Variants in ADGRB3 observed in about 807,000 individuals in gnomAD.
ADGRB3 encodes adhesion G protein-coupled receptor B3.
A neutral mutation model predicts 193.4 loss-of-function variants in ADGRB3; 37 were observed. The observed-to-expected ratio is 0.19, with a 90% CI of 0.15 to 0.25. The LOEUF (loss-of-function observed/expected upper bound fraction) is 0.25. Ranked by LOEUF, ADGRB3 falls within the 10% of genes least tolerant of loss-of-function variation. ADGRB3 has a pLI of 1.00. For missense variants in ADGRB3, 1,637 were observed against 1,852.9 expected (o/e 0.88, Z 2.14); for synonymous variants, 690 against 644.2 (o/e 1.07, Z -1.08).
At chr6:69,169,240 A>G (rs984881705) in intron 17 of ADGRB3, among the ~76,000 whole-genome samples, 1 of 152,040 alleles carries the variant, frequency 6.6e-6, no homozygotes, top group Non-Finnish European at 1.5e-5. Flanking sequence ...CAATTTTACA[A>G]CTGACTACTG....
At chr6:69,320,888 A>C (rs1457261437) in intron 20 of ADGRB3, among the ~76,000 whole-genome samples, 4 of 149,724 alleles carry the variant, frequency 2.7e-5, no homozygotes, top group Admixed American at 6.7e-5. Flanking sequence ...GAGAATTTTT[A>C]CAGTGTTTTG....
At chr6:68,963,065 G>A (rs1562102005) in intron 8 of ADGRB3, among the ~76,000 whole-genome samples, 2 of 152,058 alleles carry the variant, frequency 1.3e-5, no homozygotes, top group Non-Finnish European at 2.9e-5. Context: ...CCTCATTCTA[G>A]CAATCCCTGT....
intron 17 of ADGRB3, among the ~76,000 whole-genome samples, chr6:69,204,305 C>T (rs1765491870): frequency 6.6e-6 from 1 of 151,954 alleles, no homozygotes. Flanking sequence ...TTTTTTCCTG[C>T]AACACTAATA....
At chr6:68,750,649 CTTTATT>C (rs373125793) in intron 3 of ADGRB3, among the ~76,000 whole-genome samples, 288 of 152,234 alleles carry the variant, frequency 1.9e-3, no homozygotes, top group Middle Eastern at 6.8e-3. Flanking sequence ...TCCATGTCTG[CTTTATT>C]TTTAATGAGC....
At chr6:69,325,084 A>G (rs2127309136) in intron 21 of ADGRB3, 62 bp downstream of exon 21, 1 of 1,532,790 alleles carries the variant, frequency 6.5e-7, no homozygotes, top group Non-Finnish European at 8.8e-7. Flanking sequence ...CACATTAGAA[A>G]GCAGTCATGA....
rs1353702741 is a variant in ADGRB3, at chr6:69,355,869, A to C, written c.3595+9A>C. On this transcript the variant is annotated intron_variant, in intron 28 of 31. Transcript: ENST00000370598. The stretch of plus-strand genomic sequence containing the variant: ...CATTGCCTGTCGATCAGGTAAGAAT[A>C]TTTAGATTTTGAAATCTAATCAGTA... 6.3e-7 allele frequency: 1 copy of C among 1,597,892 alleles called. No individual in the cohort carries two copies. Among genetic ancestry groups the C allele is most frequent in the Non-Finnish European group, 8.6e-7 (1 of 1,166,942 alleles).
intron 17 of ADGRB3, among the ~76,000 whole-genome samples, chr6:69,153,474 G>A (rs1355796887): frequency 6.6e-6 from 1 of 152,116 alleles, no homozygotes. Context: ...AATAATAAGG[G>A]GTTGACATTT....
intron 29 of ADGRB3, among the ~76,000 whole-genome samples, chr6:69,363,299 T>C (rs1769491605): frequency 6.6e-6 from 1 of 152,046 alleles, no homozygotes; most frequent in South Asian, 2.1e-4. Flanking sequence ...GAAAATTTGG[T>C]TCTTCATTTT....
chr6:68,695,994 C>T (rs1765150486), intron 3 of ADGRB3, among the ~76,000 whole-genome samples: 1 of 151,954 alleles, frequency 6.6e-6, no homozygotes, highest in Non-Finnish European at 1.5e-5. Flanking sequence ...CTGTATTTGG[C>T]TGCGACCCAA....
intron 3 of ADGRB3, among the ~76,000 whole-genome samples, chr6:68,768,237 A>G (rs779329431): frequency 1.6e-4 from 25 of 152,268 alleles, no homozygotes; most frequent in Non-Finnish European, 2.9e-4. Context: ...AGCCAAGACA[A>G]TCCTAGACAA....
At chr6:68,745,039 T>C (rs1562013350) in intron 3 of ADGRB3, among the ~76,000 whole-genome samples, 2 of 152,054 alleles carry the variant, frequency 1.3e-5, no homozygotes, top group Non-Finnish European at 2.9e-5. Flanking sequence ...AGCCTGTGGG[T>C]GAGTGGTTAC....
chr6:69,198,471 G>A (rs1423588778), intron 17 of ADGRB3, among the ~76,000 whole-genome samples: 1 of 152,078 alleles, frequency 6.6e-6, no homozygotes, highest in African/African-American at 2.4e-5. Flanking sequence ...ATGATGAGGT[G>A]ATGTTTTGGA....
intron 3 of ADGRB3, among the ~76,000 whole-genome samples, chr6:68,834,773 T>A (rs936913616): frequency 6.6e-6 from 1 of 152,126 alleles, no homozygotes. Context: ...GATGAGTCAC[T>A]AAAGCAAGAA....
intron 3 of ADGRB3, among the ~76,000 whole-genome samples, chr6:68,686,221 G>C (rs536950372): frequency 1.5e-5 from 2 of 134,000 alleles, no homozygotes; most frequent in Non-Finnish European, 3.4e-5. Flanking sequence ...CTCTGGTGAA[G>C]CTTTCCTGGA....
intron 17 of ADGRB3, among the ~76,000 whole-genome samples, chr6:69,208,967 T>G (rs192819072): frequency 1.3e-3 from 202 of 152,276 alleles, no homozygotes; most frequent in Admixed American, 4.3e-3. Context: ...GGCCAAGAGT[T>G]GTCTCTCAAA....
At chr6:68,882,308 T>G (rs1765754310) in intron 3 of ADGRB3, among the ~76,000 whole-genome samples, 1 of 152,186 alleles carries the variant, frequency 6.6e-6, no homozygotes, top group South Asian at 2.1e-4. Flanking sequence ...TGGTAATGTA[T>G]GTAGTTTGCA....
intron 17 of ADGRB3, among the ~76,000 whole-genome samples, chr6:69,175,904 G>C (rs1385759200): frequency 1.3e-5 from 2 of 152,106 alleles, no homozygotes. Flanking sequence ...TATTGTAAAT[G>C]GGATTGCATT....
chr6:69,263,915 C>T (rs1220726007), intron 20 of ADGRB3, among the ~76,000 whole-genome samples: 1 of 151,910 alleles, frequency 6.6e-6, no homozygotes, highest in Non-Finnish European at 1.5e-5. Context: ...GTTATTTAAC[C>T]CTCAGGTAAA....
intron 3 of ADGRB3, among the ~76,000 whole-genome samples, chr6:68,710,033 G>A (rs1765383925): frequency 6.6e-6 from 1 of 152,070 alleles, no homozygotes; most frequent in African/African-American, 2.4e-5. Context: ...AGCACTTACT[G>A]GGCACTGGAG....
Sources: gnomAD v4.1 joint callset for allele counts (sites outside exome capture counted in the v4.1 genomes callset) on GRCh38, gnomAD v4.1.1 for gene constraint, MANE v1.5 for transcripts, NCBI Gene and HGNC (gene_info 2026-07-23, HGNC 2026-07-21) for gene names.